CNTN5: variants seen among roughly 807,000 people sequenced by gnomAD.
CNTN5 encodes the protein contactin-5.
In CNTN5, 77 loss-of-function variants were observed where a neutral mutation model predicts 129.1. The ratio of observed to expected loss-of-function variants is 0.60; its 90% CI spans 0.50 to 0.72. The LOEUF (loss-of-function observed/expected upper bound fraction) is 0.72. CNTN5 is among the 30% of genes least tolerant of loss of function. The probability of loss-of-function intolerance (pLI) is 0.00; values close to 1 mark genes in which losing one functional copy is unlikely to be tolerated. For synonymous variants in CNTN5, 509 were observed against 465.6 expected, an observed-to-expected ratio of 1.09 and a Z score of -1.20; for missense variants, 1,478 against 1,328.8, an observed-to-expected ratio of 1.11 and a Z score of -1.75.
At chr11:99,940,632 A>C (rs1251314638) in intron 7 of CNTN5, among the ~76,000 whole-genome samples, 1 of 152,106 alleles carries the variant, frequency 6.6e-6, no homozygotes, top group Non-Finnish European at 1.5e-5. Context: ...TGATGAAAGT[A>C]TTGGTGTATG....
At chr11:100,034,795 A>G (rs1941895124) in intron 9 of CNTN5, among the ~76,000 whole-genome samples, 1 of 152,190 alleles carries the variant, frequency 6.6e-6, no homozygotes, top group Admixed American at 6.5e-5. Context: ...TCATAAACTC[A>G]AATATGAACA....
chr11:100,227,274 C>T (rs1335988932), intron 16 of CNTN5, among the ~76,000 whole-genome samples: 2 of 152,096 alleles, frequency 1.3e-5, no homozygotes, highest in East Asian at 3.9e-4. Flanking sequence ...GAGAGATAGT[C>T]TATAAAATTA....
intron 4 of CNTN5, among the ~76,000 whole-genome samples, chr11:99,830,872 G>A (rs1591272767): frequency 6.6e-6 from 1 of 152,094 alleles, no homozygotes; most frequent in Non-Finnish European, 1.5e-5. Flanking sequence ...GCAGTGCAAG[G>A]TTACTGGGAG....
intron 1 of CNTN5, among the ~76,000 whole-genome samples, chr11:99,104,759 C>A (rs1313669450): frequency 1.3e-5 from 2 of 151,826 alleles, no homozygotes; most frequent in Non-Finnish European, 2.9e-5. Flanking sequence ...AAGATCAGGA[C>A]TGGGGTGAGG....
In CNTN5 at chr11:99,236,865, C is replaced by T. The variant is rs568521328; in HGVS notation, c.-209-88481C>T. Reference sequence around the variant, plus strand: ...CCTTGGTCTTCATTCAGTTTGCTCTCGGAGTCTGCCCAGTGCATTTGCTTT... The same window carrying T: ...CCTTGGTCTTCATTCAGTTTGCTCTTGGAGTCTGCCCAGTGCATTTGCTTT... On this transcript the variant is annotated intron_variant, in intron 1 of 24. Coordinates refer to ENST00000524871, the MANE Select transcript of CNTN5 (RefSeq NM_014361.4). 4.6e-5 allele frequency among the ~76,000 whole-genome samples: 7 copies of T among 152,070 alleles called. No individual in the cohort carries two copies. The South Asian group carries it at 6.2e-4, about 14-fold the overall frequency.
At chr11:99,057,699 G>GA (rs1178590805) in intron 1 of CNTN5, among the ~76,000 whole-genome samples, 3 of 151,574 alleles carry the variant, frequency 2.0e-5, no homozygotes, top group Non-Finnish European at 2.9e-5. Flanking sequence ...AAAAGAAGTG[G>GA]AAAAAAAGTG....
intron 2 of CNTN5, among the ~76,000 whole-genome samples, chr11:99,346,663 T>A (rs1937901048): frequency 6.6e-6 from 1 of 152,218 alleles, no homozygotes; most frequent in Admixed American, 6.5e-5. Flanking sequence ...AAAATTCTTA[T>A]GTTAACGCCC....
intron 8 of CNTN5, among the ~76,000 whole-genome samples, chr11:99,977,015 A>G (rs1161456367): frequency 6.6e-6 from 1 of 152,204 alleles, no homozygotes; most frequent in African/African-American, 2.4e-5. Context: ...GGCCACTTTT[A>G]AAAACAGCCA....
intron 3 of CNTN5, among the ~76,000 whole-genome samples, chr11:99,668,585 A>G (rs1035251193): frequency 1.3e-5 from 2 of 152,090 alleles, no homozygotes; most frequent in Non-Finnish European, 2.9e-5. Flanking sequence ...AAAACATTAT[A>G]CTACTAGTTA....
intron 7 of CNTN5, among the ~76,000 whole-genome samples, chr11:99,953,797 A>G (rs1591474456): frequency 1.3e-5 from 2 of 152,180 alleles, no homozygotes; most frequent in South Asian, 4.1e-4. Flanking sequence ...CAGCACATGT[A>G]TTTGTGGCCC....
chr11:99,788,248 T>C (rs1490874966), intron 3 of CNTN5, among the ~76,000 whole-genome samples: 1 of 151,966 alleles, frequency 6.6e-6, no homozygotes, highest in East Asian at 1.9e-4. Context: ...TAATGAATAC[T>C]GTCTATTCCT....
chr11:99,358,254 G>GGTTTTTTTTTTTT (rs1938837823), intron 2 of CNTN5, among the ~76,000 whole-genome samples: 1 of 4,818 alleles, frequency 2.1e-4, no homozygotes, highest in Non-Finnish European at 3.7e-4. Context: ...ACGCCCTGCT[G>GGTTTTTTTTTTTT]ATTTTTTTTT....
chr11:99,978,258 A>G (rs776146174), intron 8 of CNTN5, among the ~76,000 whole-genome samples: 70 of 152,254 alleles, frequency 4.6e-4, no homozygotes, highest in Non-Finnish European at 7.6e-4. Context: ...TGTCATAATG[A>G]AAGAGTCAAA....
At position 99,597,894 on chromosome 11, in the gene CNTN5, C is replaced by A. The variant is rs189923820; in HGVS notation, c.55+41625C>A. Among the ~76,000 whole-genome samples the A allele has an allele frequency of 3.0e-3, 451 of 152,270 alleles. 4 individuals carry two copies. The highest frequency in any genetic ancestry group is 0.01 in the African/African-American group (428 of 41,578). On this transcript the variant is annotated intron_variant, in intron 3 of 24. Coordinates refer to ENST00000524871, the MANE Select transcript of CNTN5 (RefSeq NM_014361.4). Reference sequence around the variant, plus strand: ...AGTGGCAAGCTTATGAATGCCATAGCATCTCCTTGGTTCCTTGGGTGTGTG... The same window carrying A: ...AGTGGCAAGCTTATGAATGCCATAGAATCTCCTTGGTTCCTTGGGTGTGTG...
chr11:99,432,118 T>C (rs2135108617), intron 2 of CNTN5, among the ~76,000 whole-genome samples: 1 of 152,314 alleles, frequency 6.6e-6, no homozygotes, highest in African/African-American at 2.4e-5. Context: ...AGGCAGTTTT[T>C]TGCATGACTC....
At chr11:99,025,485 T>A (rs1863072263) in intron 1 of CNTN5, among the ~76,000 whole-genome samples, 1 of 151,766 alleles carries the variant, frequency 6.6e-6, no homozygotes, top group African/African-American at 2.4e-5. Context: ...AAGGAGAACA[T>A]CTCATCTTCC....
intron 3 of CNTN5, among the ~76,000 whole-genome samples, chr11:99,699,933 C>T (rs528707380): frequency 2.6e-5 from 4 of 151,524 alleles, no homozygotes; most frequent in African/African-American, 9.6e-5. Context: ...ACTGAGAGCA[C>T]TTTGCAAACC....
intron 3 of CNTN5, among the ~76,000 whole-genome samples, chr11:99,696,636 T>C (rs1954281209): frequency 6.6e-6 from 1 of 152,016 alleles, no homozygotes; most frequent in Non-Finnish European, 1.5e-5. Flanking sequence ...TTTTTTTTTT[T>C]TAACTTTTTA....
intron 3 of CNTN5, among the ~76,000 whole-genome samples, chr11:99,779,131 T>C (rs957975582): frequency 6.6e-6 from 1 of 151,950 alleles, no homozygotes; most frequent in African/African-American, 2.4e-5. Flanking sequence ...ATGAATACTT[T>C]ATAAACATTT....
Sources: gnomAD v4.1 joint callset for allele counts (sites outside exome capture counted in the v4.1 genomes callset) on GRCh38, gnomAD v4.1.1 for gene constraint, MANE v1.5 for transcripts, NCBI Gene and HGNC (gene_info 2026-07-23, HGNC 2026-07-21) for gene names.